Variants in USP1 observed in about 807,000 individuals in gnomAD.
USP1 encodes the protein ubiquitin specific peptidase 1.
Under a neutral mutation model 72.2 loss-of-function variants are expected in USP1, and 18 were observed. That is an observed-to-expected ratio of 0.25 (90% CI 0.17 to 0.37). The LOEUF (loss-of-function observed/expected upper bound fraction) is 0.37. Among genes scored for constraint, USP1 ranks in the 10% least tolerant of loss-of-function variants. The pLI, the probability that USP1 is intolerant of heterozygous loss-of-function variation, is 1.00. For synonymous variants in USP1, 354 were observed against 303.7 expected (o/e 1.17, Z -1.72); for missense variants, 759 against 884.9 (o/e 0.86, Z 1.81).
chr1:62,447,997 A>G (rs1047449091), intron 7 of USP1, among the ~76,000 whole-genome samples: 5 of 152,172 alleles, frequency 3.3e-5, no homozygotes, highest in South Asian at 4.1e-4. Flanking sequence ...CATGTTAGCC[A>G]GGATGGTCTC....
At chr1:62,446,817 T>A (rs1283628474) in intron 6 of USP1, among the ~76,000 whole-genome samples, 1 of 152,062 alleles carries the variant, frequency 6.6e-6, no homozygotes, top group Non-Finnish European at 1.5e-5. Context: ...ATTTTTTATT[T>A]TTTTTATTTT....
chr1:62,437,401 G>C lies in USP1; in HGVS notation c.-70+1G>C, dbSNP rs923257260. On this transcript the variant is annotated splice_donor_variant, in intron 1 of 8. Transcript: ENST00000339950. LOFTEE classifies it low-confidence loss of function (5UTR_SPLICE). ...GGACTTCGCTTTGGGCCATGACCAGGTAAGGAGGGCCTGGGAGGAGGGGCC... is the reference window on the plus strand; with the variant it reads ...GGACTTCGCTTTGGGCCATGACCAGCTAAGGAGGGCCTGGGAGGAGGGGCC... The C allele has an allele frequency of 2.6e-6, 1 of 382,688 alleles. No homozygotes were observed. Among genetic ancestry groups the C allele is most frequent in the African/African-American group, 2.1e-5 (1 of 48,144 alleles). The allele number at this position is 382,688 out of a possible 1,614,324, so 23.7% of individuals were successfully genotyped here. A position where few individuals can be genotyped will look rare whatever the true frequency, so the allele number is the denominator to read the frequency against.
chr1:62,437,460 C>G, intron 1 of USP1, 60 bp downstream of exon 1: 1 of 324,984 alleles, frequency 3.1e-6, no homozygotes, highest in African/African-American at 2.1e-5. Flanking sequence ...TCGGCCGGCG[C>G]GGGAGAGGAG....
At chr1:62,450,050 GTTAT>G (rs902819985) in intron 8 of USP1, among the ~76,000 whole-genome samples, 192 bp from the exon 9 acceptor site, 44 of 152,034 alleles carry the variant, frequency 2.9e-4, no homozygotes, top group African/African-American at 9.9e-4. Flanking sequence ...AATATTAGCA[GTTAT>G]TTATTTTTTT....
At position 62,447,456 on chromosome 1, in the gene USP1, C is replaced by T. The variant is rs779675026; in HGVS notation, c.1365C>T (p.Asp455=). The change falls in exon 7 of 9, where the codon GAC becomes GAT. Residue 455 remains aspartate, a synonymous_variant. Transcript: ENST00000339950. ...SLTERREDFQ[D]ISVPVQEDEL... is the part of the protein sequence containing the mutation. The stretch of plus-strand genomic sequence containing the variant: ...CAGAAAGAAGAGAAGATTTTCAAGA[C>T]ATCAGTGTGCCAGTACAAGAAGATG... 7 of 1,614,124 alleles carry T rather than the reference C, an allele frequency of 4.3e-6. No homozygotes were observed. Among genetic ancestry groups the T allele is most frequent in the Non-Finnish European group, 5.9e-6 (7 of 1,180,010 alleles).
chr1:62,436,906 G>A (rs1353373134), upstream of USP1: 1 of 389,088 alleles, frequency 2.6e-6, no homozygotes, highest in Admixed American at 4.5e-5. Flanking sequence ...GTGCGTGCCA[G>A]GGGCGAGTGG....
chr1:62,440,076 G>A, intron 2 of USP1, 39 bp downstream of exon 2: 1 of 1,381,590 alleles, frequency 7.2e-7, no homozygotes, highest in Non-Finnish European at 9.4e-7. Context: ...AAATTCTACA[G>A]TAAAGCAGCA....
In USP1 at chr1:62,445,409, A is replaced by G. The variant is rs1266231053; in HGVS notation, c.1229A>G (p.Glu410Gly). The G allele has an allele frequency of 6.4e-7, 1 of 1,567,466 alleles. No individual in the cohort carries two copies. Among genetic ancestry groups the G allele is most frequent in the Non-Finnish European group, 8.6e-7 (1 of 1,160,864 alleles). ...ACTGTTACACCTGTAAATGTTAATG[A>G]AGTTAAACCCATAAACAAAGGTTAG... Reference protein sequence around the residue: ...GNTVTPVNVNEVKPINKGEEQ... With the variant: ...GNTVTPVNVNGVKPINKGEEQ... Residue 410 changes from glutamate (E) to glycine (G), a missense_variant, in exon 6 of 9, where the codon GAA becomes GGA. Glu to Gly is a moderately conservative substitution (Grantham distance 98). This residue lies in a region of USP1 where 245 missense variants were observed against 240.7 expected (regional missense o/e 1.02). Coordinates refer to ENST00000339950, the MANE Select transcript of USP1 (RefSeq NM_003368.5).
At chr1:62,442,049 G>A (rs1319366564) in intron 3 of USP1, 146 bp from the exon 4 acceptor site, 1 of 589,628 alleles carries the variant, frequency 1.7e-6, no homozygotes, top group East Asian at 3.1e-5. Context: ...TGATGAAGTG[G>A]AGAACAAATT....
At chr1:62,444,505 ATTAG>A (rs536342448) in intron 5 of USP1, among the ~76,000 whole-genome samples, 32 of 152,322 alleles carry the variant, frequency 2.1e-4, no homozygotes, top group African/African-American at 4.8e-4. Context: ...TTATCTAAGT[ATTAG>A]TTATTAATAT....
chr1:62,447,191 T>C, intron 6 of USP1, 150 bp from the exon 7 acceptor site: 1 of 705,144 alleles, frequency 1.4e-6, no homozygotes, highest in Non-Finnish European at 2.2e-6. Context: ...ATTAATAGGG[T>C]ACCTCTAATA....
chr1:62,445,367 T>C lies in USP1; in HGVS notation c.1187T>C (p.Leu396Pro). Reference protein sequence around the residue: ...ESDNTTNGCGLESPGNTVTPV... With the variant: ...ESDNTTNGCGPESPGNTVTPV... ...GATAACACAACTAATGGTTGTGGAC[T>C]TGAATCTCCAGGAAATACTGTTACA... The change falls in exon 6 of 9, where the codon CTT (leucine) becomes CCT (proline). Residue 396 changes from leucine to proline, a missense_variant. By Grantham distance (98) the Leu-to-Pro change is moderately conservative (BLOSUM62 -3). Around this residue, in one of 9 missense-constraint regions of USP1, gnomAD observed 245 missense variants for 240.7 expected, o/e 1.02. Transcript: ENST00000339950. 6.2e-7 allele frequency: 1 copy of C among 1,605,564 alleles called. No homozygotes were observed. Among genetic ancestry groups the C allele is most frequent in the Non-Finnish European group, 8.5e-7 (1 of 1,177,406 alleles).
chr1:62,443,181 T>C lies in USP1; in HGVS notation c.419T>C (p.Leu140Ser), dbSNP rs1451592574. 3 of 1,609,496 alleles carry C rather than the reference T, an allele frequency of 1.9e-6. No homozygotes were observed. The highest frequency in any genetic ancestry group is 4.5e-5 in the East Asian group (2 of 44,812). The part of the protein sequence containing the change: ...KDKGNCKEDS[L>S]ASYELICSLQ... The stretch of plus-strand genomic sequence containing the variant: ...CAGGGAAATTGCAAAGAAGATTCTT[T>C]GGCAAGTTATGAATTGATATGCAGT... Residue 140 changes from leucine (L) to serine (S), a missense_variant, in exon 5 of 9, where the codon TTG (leucine) becomes TCG (serine). This residue lies in a region of USP1 where 71 missense variants were observed against 71.0 expected (regional missense o/e 1.00). Transcript: ENST00000339950.
At chr1:62,446,799 T>G (rs975380704) in intron 6 of USP1, among the ~76,000 whole-genome samples, 1 of 152,006 alleles carries the variant, frequency 6.6e-6, no homozygotes, top group East Asian at 1.9e-4. Context: ...TACAACTGAC[T>G]TTTTTTTATT....
At chr1:62,448,425 C>T in intron 7 of USP1, 40 bp from the exon 8 acceptor site, 2 of 1,579,282 alleles carry the variant, frequency 1.3e-6, no homozygotes, top group South Asian at 1.1e-5. Context: ...TTTTTGAATG[C>T]CTGAGAGAAG....
At chr1:62,448,704 G>A (rs1462030972) in intron 8 of USP1, 38 bp downstream of exon 8, 1 of 1,584,498 alleles carries the variant, frequency 6.3e-7, no homozygotes, top group Non-Finnish European at 8.6e-7. Flanking sequence ...AAGAAAATGA[G>A]CTGCTGTAGA....
At position 62,445,017 on chromosome 1, in the gene USP1, C is replaced by G. The variant is rs1645160556; in HGVS notation, c.837C>G (p.Asn279Lys). ...GKRKSDTEFG[N>K]MKKKVKLSKE... ...GAAAAAGTGACACTGAATTTGGTAA[C>G]ATGAAGAAAAAAGTTAAATTATCCA... is the stretch of plus-strand genomic sequence containing the variant. Residue 279 changes from asparagine to lysine, a missense_variant, in exon 6 of 9, where the codon AAC becomes AAG. By Grantham distance (94) the Asn-to-Lys change is moderately conservative. Transcript: ENST00000339950. 2.5e-6 allele frequency: 4 copies of G among 1,612,630 alleles called. No individual in the cohort carries two copies. The highest frequency in any genetic ancestry group is 3.4e-6 in the Non-Finnish European group (4 of 1,179,710).
At position 62,447,206 on chromosome 1, in the gene USP1, A is replaced by T. The variant is rs1259755550; in HGVS notation, c.1250-135A>T. 4 of 826,230 alleles carry T rather than the reference A, an allele frequency of 4.8e-6. No individual in the cohort carries two copies. In the Admixed American group the frequency reaches 9.5e-5, roughly 20 times the overall value. The allele number at this position is 826,230 out of a possible 1,614,324, so 51.2% of individuals were successfully genotyped here. A position where few individuals can be genotyped will look rare whatever the true frequency, so the allele number is the denominator to read the frequency against. On this transcript the variant is annotated intron_variant, in intron 6 of 8. Coordinates refer to ENST00000339950, the MANE Select transcript of USP1 (RefSeq NM_003368.5). ...ATTAATAGGGTACCTCTAATAAGCT[A>T]ATAATGCTAATAAGCTGATCTATGA...
intron 8 of USP1, among the ~76,000 whole-genome samples, chr1:62,449,098 G>C (rs1033939763): frequency 6.6e-6 from 1 of 152,036 alleles, no homozygotes; most frequent in African/African-American, 2.4e-5. Flanking sequence ...TGCCCAGTCT[G>C]ATCTTGAACT....
Sources: allele counts gnomAD v4.1 joint callset (sites outside exome capture counted in the v4.1 genomes callset), GRCh38; gene constraint gnomAD v4.1.1; regional missense constraint gnomAD v4.1.1; transcripts MANE v1.5; gene names NCBI Gene and HGNC (gene_info 2026-07-23, HGNC 2026-07-21).